POLG2: variants seen among roughly 807,000 people sequenced by gnomAD.
The protein encoded by POLG2 is DNA polymerase gamma 2, accessory subunit.
In POLG2, 50 loss-of-function variants were observed where a neutral mutation model predicts 56.5. The observed-to-expected ratio is 0.88, with a 90% CI of 0.71 to 1.12. POLG2 has a LOEUF of 1.12. POLG2 is among the 50% of genes most tolerant of loss of function. The pLI is 0.00. For synonymous variants in POLG2, 226 were observed against 222.6 expected (o/e 1.02, Z -0.14); for missense variants, 584 against 583.3 (o/e 1.00, Z -0.01).
intron 3 of POLG2, chr17:64,491,431 C>CA: frequency 1.3e-6 from 1 of 785,166 alleles, no homozygotes; most frequent in African/African-American, 1.7e-5. Context: ...TTCATCTCTA[C>CA]AAATAATAAA....
chr17:64,488,482 A>G (rs1216949081), intron 4 of POLG2, among the ~76,000 whole-genome samples: 1 of 150,800 alleles, frequency 6.6e-6, no homozygotes, highest in South Asian at 2.1e-4. Context: ...GCAGGAGAAC[A>G]GCTTGAGCCC....
chr17:64,491,655 T>C (rs2038060514), intron 3 of POLG2: 2 of 1,389,224 alleles, frequency 1.4e-6, no homozygotes, highest in African/African-American at 1.4e-5. Context: ...TTACTACTGG[T>C]ACTACAACAA....
rs2038041281 is a variant in POLG2, at chr17:64,490,613, G to A, written c.969+183C>T. 8.1e-6 allele frequency: 5 copies of A among 617,452 alleles called. No homozygotes were observed. In the Admixed American group the frequency reaches 1.3e-4, roughly 16 times the overall value. 38.2% of individuals were successfully genotyped at this position (617,452 alleles called of 1,614,324 possible). ...ATTTGTAGGGCTCTGTGGCAATAGT[G>A]GATTACTGTTAATTTCCTGATTTTG... On this transcript the variant is annotated intron_variant, in intron 4 of 7. Coordinates refer to ENST00000539111, the MANE Select transcript of POLG2 (RefSeq NM_007215.4).
At position 64,485,722 on chromosome 17, in the gene POLG2, C is replaced by T. The variant is rs2037939115; in HGVS notation, c.1110+6G>A. 1.9e-6 allele frequency: 3 copies of T among 1,609,290 alleles called. No individual in the cohort carries two copies. Among genetic ancestry groups the T allele is most frequent in the African/African-American group, 1.3e-5 (1 of 74,774 alleles). On this transcript the variant is annotated splice_donor_region_variant and intron_variant, in intron 5 of 7. Coordinates refer to ENST00000539111, the MANE Select transcript of POLG2 (RefSeq NM_007215.4). ...CCCAAGTCTATCTCTGAAATATCAA[C>T]AGCACCTTTCTATGAAGATTTTTCT...
intron 4 of POLG2, among the ~76,000 whole-genome samples, chr17:64,488,045 T>A (rs62073201): frequency 0.036 from 5,467 of 151,746 alleles, 162 homozygotes; most frequent in Non-Finnish European, 0.052. Context: ...ACATTAACCA[T>A]AAAATCAACT....
intron 3 of POLG2, 150 bp downstream of exon 3, chr17:64,492,517 G>T (rs1390383514): frequency 6.4e-6 from 4 of 625,904 alleles, no homozygotes; most frequent in Non-Finnish European, 1.1e-5. Flanking sequence ...CTAGAACAAT[G>T]AAAATTGTTA....
intron 4 of POLG2, among the ~76,000 whole-genome samples, chr17:64,489,964 C>T (rs879952250): frequency 1.5e-4 from 22 of 150,562 alleles, no homozygotes; most frequent in African/African-American, 4.9e-5. Flanking sequence ...CTCGTTCTGT[C>T]GCCAGGCTGC....
At chr17:64,489,276 A>T (rs886419260) in intron 4 of POLG2, among the ~76,000 whole-genome samples, 3 of 147,600 alleles carry the variant, frequency 2.0e-5, no homozygotes, top group African/African-American at 4.9e-5. Context: ...ATACCAATTT[A>T]AAAAAAAAAT....
At chr17:64,482,553 C>T (rs1195976022) in intron 6 of POLG2, among the ~76,000 whole-genome samples, 1 of 152,192 alleles carries the variant, frequency 6.6e-6, no homozygotes, top group Non-Finnish European at 1.5e-5. Context: ...CTCTTGACCT[C>T]GTGATCCACC....
At chr17:64,488,904 C>G (rs1568087171) in intron 4 of POLG2, among the ~76,000 whole-genome samples, 1 of 151,994 alleles carries the variant, frequency 6.6e-6, no homozygotes, top group East Asian at 1.9e-4. Flanking sequence ...GGAATCGCGA[C>G]ACTGCACTCC....
intron 5 of POLG2, among the ~76,000 whole-genome samples, chr17:64,484,976 A>G (rs2037926594): frequency 6.6e-6 from 1 of 152,176 alleles, no homozygotes; most frequent in South Asian, 2.1e-4. Flanking sequence ...CCACATTTAA[A>G]CTAATAGTGC....
intron 6 of POLG2, chr17:64,481,202 T>C (rs2037850560): frequency 1.2e-6 from 1 of 839,160 alleles, no homozygotes; most frequent in East Asian, 1.2e-4. Flanking sequence ...TACAGCATCC[T>C]AGGAGCTTCC....
rs550156536 is a variant in POLG2 at position 64,487,973 on chromosome 17, T to C, written c.970-2105A>G. Reference sequence around the variant, plus strand: ...ACACTATCCAGAATAAATTCTTTTCTATCCTAACTGTTCTTCAGCCTTTAT... The same window carrying C: ...ACACTATCCAGAATAAATTCTTTTCCATCCTAACTGTTCTTCAGCCTTTAT... On this transcript the variant is annotated intron_variant, in intron 4 of 7. Coordinates refer to ENST00000539111, the MANE Select transcript of POLG2 (RefSeq NM_007215.4). 2.3e-4 allele frequency among the ~76,000 whole-genome samples: 35 copies of C among 152,370 alleles called. 1 individual carries two copies. In the South Asian group the frequency reaches 7.2e-3, roughly 32 times the overall value.
At chr17:64,483,145 C>G (rs1265228602) in intron 5 of POLG2, 146 bp from the exon 6 acceptor site, 2 of 569,274 alleles carry the variant, frequency 3.5e-6, no homozygotes, top group Non-Finnish European at 3.2e-6. Context: ...CAGAAGTTAG[C>G]TGAGGTCATA....
chr17:64,491,601 T>G, intron 3 of POLG2: 1 of 1,543,760 alleles, frequency 6.5e-7, no homozygotes, highest in Non-Finnish European at 8.9e-7. Context: ...GATCTTGATG[T>G]GGGACTTCAG....
chr17:64,495,579 TTTTAATTTACCAATTCATA>T (rs1206254460), intron 1 of POLG2, among the ~76,000 whole-genome samples: 2 of 152,136 alleles, frequency 1.3e-5, no homozygotes, highest in African/African-American at 2.4e-5. Context: ...CCATATTCAA[TTTTAATTTACCAATTCATA>T]TTTAATTTAC....
chr17:64,497,028 A>G lies in POLG2; in HGVS notation c.-60T>C, dbSNP rs1555669711. On this transcript the variant is annotated 5_prime_UTR_variant, in exon 1 of 8. Transcript: ENST00000539111. ...ACTCAACGGATCCCAACAAGCCACC[A>G]CTACCGTTAACAGAATCCGGAGAGG... 2 of 1,502,248 alleles carry G rather than the reference A, an allele frequency of 1.3e-6. No individual in the cohort carries two copies. The highest frequency in any genetic ancestry group is 2.3e-5 in the South Asian group (2 of 88,856). The allele number at this position is 1,502,248 out of a possible 1,614,324, so 93.1% of individuals were successfully genotyped here. A position where few individuals can be genotyped will look rare whatever the true frequency, so the allele number is the denominator to read the frequency against.
rs1025715871 is a variant in POLG2, at chr17:64,479,743, A to C, written c.1292+546T>G. Among the ~76,000 whole-genome samples, 15 of 152,334 alleles carry C rather than the reference A, an allele frequency of 9.8e-5. 1 individual carries two copies. The highest frequency in any genetic ancestry group is 8.5e-4 in the Admixed American group (13 of 15,288). On this transcript the variant is annotated intron_variant, in intron 7 of 7. Transcript: ENST00000539111. ...GTAGTGGCAGCGAAGACAGAGATGG[A>C]TGAGATACATTTAGGAAGCAAGCTG...
intron 5 of POLG2, among the ~76,000 whole-genome samples, chr17:64,484,652 G>A (rs1317195493): frequency 6.6e-6 from 1 of 152,174 alleles, no homozygotes; most frequent in African/African-American, 2.4e-5. Context: ...GAGTCAAACA[G>A]GATTTGCTGA....
Sources: gnomAD v4.1 joint callset for allele counts (sites outside exome capture counted in the v4.1 genomes callset) on GRCh38, gnomAD v4.1.1 for gene constraint, MANE v1.5 for transcripts, NCBI Gene and HGNC (gene_info 2026-07-23, HGNC 2026-07-21) for gene names.